Variants in DYRK4 observed in about 807,000 individuals in gnomAD.
The protein encoded by DYRK4 is dual specificity tyrosine phosphorylation regulated kinase 4.
In DYRK4, 64 loss-of-function variants were observed where a neutral mutation model predicts 68.3. The observed-to-expected ratio is 0.94, with a 90% CI of 0.77 to 1.15. DYRK4 has a LOEUF of 1.15. DYRK4 is among the 50% of genes most tolerant of loss of function. DYRK4 has a pLI of 0.00. For missense variants in DYRK4, 740 were observed against 764.7 expected (o/e 0.97, Z 0.38); for synonymous variants, 274 against 289.9 (o/e 0.95, Z 0.56).
chr12:4,597,095 C>A, intron 8 of DYRK4: 2 of 1,092,074 alleles, frequency 1.8e-6, no homozygotes, highest in Non-Finnish European at 2.2e-6. Context: ...CGTGCAGAGG[C>A]TGAAACCCAA....
rs16931577 is a variant in DYRK4 at position 4,613,161 on chromosome 12, A to G, written c.1667-354A>G. Among the ~76,000 whole-genome samples, 1,638 of 152,290 alleles carry G rather than the reference A, an allele frequency of 0.011. 27 individuals are homozygous for G. Among genetic ancestry groups the G allele is most frequent in the African/African-American group, 0.037 (1,556 of 41,566 alleles). On this transcript the variant is annotated intron_variant, in intron 14 of 14. Transcript: ENST00000543431. The surrounding 1 kb of genome is among the most constrained non-coding windows in gnomAD (Gnocchi z 4.0). ...AGATTATGGCATTATGCAAATTTTT[A>G]TATGCAATATAGCCTAGTGGTTAGG... is the stretch of plus-strand genomic sequence containing the variant.
chr12:4,612,607 C>G lies in DYRK4; in HGVS notation c.1555C>G (p.Arg519Gly). ...ALKHAWIHQS[R>G]NLKPQPRPQT... ...CAAGCATGCTTGGATTCATCAGTCTCGGAACCTCAAGCCACAGCCCAGGCC... is the reference window on the plus strand; with the variant it reads ...CAAGCATGCTTGGATTCATCAGTCTGGGAACCTCAAGCCACAGCCCAGGCC... The change falls in exon 14 of 15, where the codon CGG (arginine) becomes GGG (glycine). Residue 519 changes from arginine to glycine, a missense_variant. Arg to Gly is a moderately radical substitution (Grantham distance 125). Around this residue, in one of 3 missense-constraint regions of DYRK4, gnomAD observed 614 missense variants for 603.7 expected, o/e 1.02. Transcript: ENST00000543431. 1 of 1,614,180 alleles carries G rather than the reference C, an allele frequency of 6.2e-7. No individual in the cohort carries two copies. Among genetic ancestry groups the G allele is most frequent in the Non-Finnish European group, 8.5e-7 (1 of 1,180,030 alleles).
At chr12:4,590,189 A>G (rs1944937724) in intron 3 of DYRK4, 141 bp from the exon 4 acceptor site, 2 of 1,395,588 alleles carry the variant, frequency 1.4e-6, no homozygotes, top group African/African-American at 1.5e-5. Context: ...CTTGCCAAGA[A>G]CTTTAAGAAT....
chr12:4,568,178 C>G (rs1319089914), intron 2 of DYRK4, 130 bp downstream of exon 2: 1 of 850,324 alleles, frequency 1.2e-6, no homozygotes, highest in Non-Finnish European at 1.8e-6. Context: ...TGTGGAGGAT[C>G]ATGCTGATTG....
intron 3 of DYRK4, 43 bp downstream of exon 3, chr12:4,589,060 G>A: frequency 1.3e-6 from 2 of 1,523,860 alleles, no homozygotes; most frequent in Non-Finnish European, 1.8e-6. Context: ...GAGAGAATGA[G>A]GAGAGGTGGG....
Position 4,591,459 on chromosome 12 carries a change from T to G in DYRK4, c.463+161T>G. ...AGAAGTTAAGCGTTGAACCTCTGAC[T>G]GTGGTAGTATAAGCAAGAGGCTGAA... On this transcript the variant is annotated intron_variant, in intron 5 of 14. Transcript: ENST00000543431. The surrounding 1 kb of genome is among the most constrained non-coding windows in gnomAD (Gnocchi z 4.1). 1 of 1,030,390 alleles carries G rather than the reference T, an allele frequency of 9.7e-7. No individual in the cohort carries two copies. Among genetic ancestry groups the G allele is most frequent in the Non-Finnish European group, 1.4e-6 (1 of 730,064 alleles). The allele number at this position is 1,030,390 out of a possible 1,614,324, so 63.8% of individuals were successfully genotyped here.
At chr12:4,602,394 G>A (rs1051788400) in intron 10 of DYRK4, 8 of 920,770 alleles carry the variant, frequency 8.7e-6, no homozygotes, top group Non-Finnish European at 1.2e-5. Context: ...TTTCTGTCAA[G>A]GGGAAAGACA....
At position 4,596,736 on chromosome 12, in the gene DYRK4, T is replaced by G. The variant is rs1346628647; in HGVS notation, c.905+7T>G. 6.2e-7 allele frequency: 1 copy of G among 1,613,212 alleles called. No homozygotes were observed. The highest frequency in any genetic ancestry group is 2.2e-5 in the East Asian group (1 of 44,884). ...TCACCTTTGAGCTCCTGGGGTCAGC[T>G]GCCTTTTCTTCTTAACTCATTTTCT... On this transcript the variant is annotated splice_region_variant and intron_variant, in intron 8 of 14. Coordinates refer to ENST00000543431, the MANE Select transcript of DYRK4 (RefSeq NM_001394779.1).
chr12:4,597,030 A>G lies in DYRK4; in HGVS notation c.905+301A>G, dbSNP rs1004811298. The G allele has an allele frequency of 7.5e-6, 9 of 1,200,380 alleles. No individual in the cohort carries two copies. In the African/African-American group the frequency reaches 1.3e-4, roughly 17 times the overall value. 74.4% of individuals were successfully genotyped at this position (1,200,380 alleles called of 1,614,324 possible). A position where few individuals can be genotyped will look rare whatever the true frequency, so the allele number is the denominator to read the frequency against. ...AAGAGCTAAACTGAAATAGTCAAAA[A>G]GGACATTTCTTTGTTTGCAGTCATT... On this transcript the variant is annotated intron_variant, in intron 8 of 14. Coordinates refer to ENST00000543431, the MANE Select transcript of DYRK4 (RefSeq NM_001394779.1).
At chr12:4,586,641 A>G (rs1370741867) in intron 2 of DYRK4, among the ~76,000 whole-genome samples, 1 of 151,902 alleles carries the variant, frequency 6.6e-6, no homozygotes, top group African/African-American at 2.4e-5. Context: ...GTGTGCAGAG[A>G]TGTAGAGGCC....
At position 4,613,509 on chromosome 12, in the gene DYRK4, T is replaced by C; in HGVS notation, c.1667-6T>C. The C allele has an allele frequency of 6.2e-7, 1 of 1,609,132 alleles. No individual in the cohort carries two copies. The highest frequency in any genetic ancestry group is 1.1e-5 in the South Asian group (1 of 90,814). On this transcript the variant is annotated splice_polypyrimidine_tract_variant and splice_region_variant and intron_variant, in intron 14 of 14. Transcript: ENST00000543431. This position sits in a 1 kb window ranked among gnomAD's most constrained non-coding sequence, Gnocchi z 4.0. ...GTTCCCTTCTGTCTTCTCTCTCCTT[T>C]AGCAGATGAGATCACCAAAGAGACT... is the stretch of plus-strand genomic sequence containing the variant.
rs1406320822 is a variant in DYRK4 at position 4,599,063 on chromosome 12, T to G, written c.941T>G (p.Phe314Cys). The G allele has an allele frequency of 6.2e-7, 1 of 1,614,110 alleles. No homozygotes were observed. Among genetic ancestry groups the G allele is most frequent in the Admixed American group, 1.7e-5 (1 of 60,014 alleles). Reference protein sequence around the residue: ...NLYELMKNNNFQGFSLSIVRR... With the variant: ...NLYELMKNNNCQGFSLSIVRR... ...TATGAGTTGATGAAGAATAACAACT[T>G]TCAAGGCTTCAGTCTGTCCATAGTT... is the stretch of plus-strand genomic sequence containing the variant. Residue 314 changes from phenylalanine (F) to cysteine (C), a missense_variant, in exon 9 of 15, where the codon TTT becomes TGT. Phe to Cys is a radical substitution (Grantham distance 205, BLOSUM62 -2). Around this residue, in one of 3 missense-constraint regions of DYRK4, gnomAD observed 614 missense variants for 603.7 expected, o/e 1.02. Coordinates refer to ENST00000543431, the MANE Select transcript of DYRK4 (RefSeq NM_001394779.1).
intron 2 of DYRK4, among the ~76,000 whole-genome samples, chr12:4,582,203 G>T (rs1235524133): frequency 1.3e-5 from 2 of 152,194 alleles, no homozygotes; most frequent in African/African-American, 4.8e-5. Flanking sequence ...CAGCACTCTG[G>T]GAGGCTGAGG....
chr12:4,596,962 G>A, intron 8 of DYRK4: 1 of 1,371,544 alleles, frequency 7.3e-7, no homozygotes, highest in Non-Finnish European at 9.4e-7. Context: ...CTGGTGCTGG[G>A]TACTGAGCCA....
intron 2 of DYRK4, among the ~76,000 whole-genome samples, chr12:4,579,091 A>G (rs1466809740): frequency 1.3e-5 from 2 of 152,126 alleles, no homozygotes; most frequent in Admixed American, 1.3e-4. Context: ...CCTGGCCAAC[A>G]TGGTGAAACC....
intron 1 of DYRK4, chr12:4,563,043 G>A (rs530142483): frequency 5.0e-5 from 23 of 455,908 alleles, no homozygotes; most frequent in Admixed American, 3.8e-4. Flanking sequence ...ATTAATTCAA[G>A]CTTCACTGTC....
intron 2 of DYRK4, among the ~76,000 whole-genome samples, chr12:4,586,462 G>C (rs1944897474): frequency 6.6e-6 from 1 of 152,178 alleles, no homozygotes; most frequent in South Asian, 2.1e-4. Context: ...TTGCAGCTGT[G>C]AATACGGGAG....
At chr12:4,570,416 C>T (rs1312699280) in intron 2 of DYRK4, among the ~76,000 whole-genome samples, 3 of 152,130 alleles carry the variant, frequency 2.0e-5, no homozygotes, top group Non-Finnish European at 4.4e-5. Context: ...TTTTCAACGT[C>T]GATTGGCTTT....
intron 8 of DYRK4, among the ~76,000 whole-genome samples, chr12:4,597,837 C>G (rs1211193419): frequency 6.6e-6 from 1 of 152,032 alleles, no homozygotes; most frequent in Non-Finnish European, 1.5e-5. Context: ...GTCAGGAGTA[C>G]CAGACCAGCC....
Sources: allele counts gnomAD v4.1 joint callset (sites outside exome capture counted in the v4.1 genomes callset), GRCh38; gene constraint gnomAD v4.1.1; regional missense constraint gnomAD v4.1.1; non-coding constraint Gnocchi (gnomAD v3.1); transcripts MANE v1.5; gene names NCBI Gene and HGNC (gene_info 2026-07-23, HGNC 2026-07-21).